ROBO1: variants seen among roughly 807,000 people sequenced by gnomAD.
ROBO1 encodes roundabout guidance receptor 1, also known as roundabout homolog 1.
In ROBO1, 149 loss-of-function variants were observed where a neutral mutation model predicts 195.9. That is an observed-to-expected ratio of 0.76 (90% CI 0.67 to 0.87). The LOEUF (loss-of-function observed/expected upper bound fraction) is 0.87. ROBO1 is among the 40% of genes least tolerant of loss of function. ROBO1 has a pLI of 0.00. For missense variants in ROBO1, 1,933 were observed against 2,068.3 expected (o/e 0.93, Z 1.27); for synonymous variants, 816 against 733.2 (o/e 1.11, Z -1.82).
At chr3:79,199,338 T>TAA (rs2081715015) in intron 2 of ROBO1, among the ~76,000 whole-genome samples, 1 of 151,838 alleles carries the variant, frequency 6.6e-6, no homozygotes, top group African/African-American at 2.4e-5. Flanking sequence ...AAGACATTTC[T>TAA]AAGAAGAGAA....
intron 2 of ROBO1, among the ~76,000 whole-genome samples, chr3:79,487,586 C>A (rs1261282898): frequency 1.3e-5 from 2 of 152,110 alleles, no homozygotes; most frequent in Admixed American, 6.6e-5. Context: ...AGTGGTATAG[C>A]TAAGGTTTGA....
At chr3:78,738,393 T>C (rs944539349) in intron 5 of ROBO1, among the ~76,000 whole-genome samples, 16 of 152,208 alleles carry the variant, frequency 1.1e-4, no homozygotes, top group African/African-American at 3.6e-4. Flanking sequence ...ATAGTTATTT[T>C]TGGTTTATTG....
intron 1 of ROBO1, among the ~76,000 whole-genome samples, chr3:79,624,272 T>C (rs997013072): frequency 8.6e-5 from 13 of 152,042 alleles, no homozygotes; most frequent in African/African-American, 2.9e-4. Flanking sequence ...AAAGACACTA[T>C]GAAGAAACGG....
intron 2 of ROBO1, among the ~76,000 whole-genome samples, chr3:79,315,288 A>G (rs1028067047): frequency 6.6e-6 from 1 of 152,172 alleles, no homozygotes; most frequent in African/African-American, 2.4e-5. Flanking sequence ...TAAGAAAAAT[A>G]AATGCATAAA....
intron 3 of ROBO1, among the ~76,000 whole-genome samples, chr3:79,110,598 T>C (rs2079867637): frequency 6.6e-6 from 1 of 151,456 alleles, no homozygotes; most frequent in South Asian, 2.1e-4. Context: ...TGCTTGATTA[T>C]TGATTTGAAG....
chr3:79,381,187 T>C (rs556810998), intron 2 of ROBO1, among the ~76,000 whole-genome samples: 66 of 151,308 alleles, frequency 4.4e-4, no homozygotes, highest in African/African-American at 1.5e-3. Flanking sequence ...CGAAACCCCG[T>C]CTCTACTAAA....
intron 3 of ROBO1, among the ~76,000 whole-genome samples, chr3:79,015,459 G>T (rs1447520733): frequency 7.3e-6 from 1 of 136,936 alleles, no homozygotes; most frequent in Non-Finnish European, 1.5e-5. Context: ...TCCTAAGTTT[G>T]AACTGAAATT....
chr3:79,449,255 A>C (rs1371926813), intron 2 of ROBO1, among the ~76,000 whole-genome samples: 1 of 152,032 alleles, frequency 6.6e-6, no homozygotes. Flanking sequence ...AAAAAATAAA[A>C]AGATTCAGTA....
At chr3:78,711,368 TTCCTTCCTTCCTTCCTTCCTTC>T (rs1161568850) in intron 8 of ROBO1, among the ~76,000 whole-genome samples, 910 of 59,294 alleles carry the variant, frequency 0.015, 112 homozygotes, top group African/African-American at 0.026. Flanking sequence ...CCTTCCTTCC[TTCCTTCCTTCCTTCCTTCCTTC>T]CTTCCTTCCT....
At chr3:79,176,026 C>T (rs1055315466) in intron 2 of ROBO1, among the ~76,000 whole-genome samples, 2 of 152,188 alleles carry the variant, frequency 1.3e-5, no homozygotes, top group Non-Finnish European at 2.9e-5. Context: ...GATCAACTGG[C>T]TACCCTGGGG....
At chr3:79,089,642 A>C (rs1403612063) in intron 3 of ROBO1, among the ~76,000 whole-genome samples, 1 of 152,116 alleles carries the variant, frequency 6.6e-6, no homozygotes, top group African/African-American at 2.4e-5. Flanking sequence ...TCCAATACAT[A>C]CTCTCACTAA....
chr3:78,747,494 T>C (rs559619936), intron 4 of ROBO1, among the ~76,000 whole-genome samples: 1 of 152,304 alleles, frequency 6.6e-6, no homozygotes, highest in South Asian at 2.1e-4. Flanking sequence ...CATTGTGTTT[T>C]TCCATGATTA....
At chr3:79,673,457 G>A (rs1946689295) in intron 1 of ROBO1, among the ~76,000 whole-genome samples, 1 of 151,914 alleles carries the variant, frequency 6.6e-6, no homozygotes, top group South Asian at 2.1e-4. Context: ...CTGGCTAGGT[G>A]GAACTTGAGC....
At chr3:79,394,404 A>C (rs1382215859) in intron 2 of ROBO1, among the ~76,000 whole-genome samples, 1 of 152,088 alleles carries the variant, frequency 6.6e-6, no homozygotes, top group African/African-American at 2.4e-5. Flanking sequence ...GAATAAAGTA[A>C]ATTGAATTTA....
At chr3:79,205,773 G>C (rs766238594) in intron 2 of ROBO1, among the ~76,000 whole-genome samples, 4 of 152,108 alleles carry the variant, frequency 2.6e-5, no homozygotes, top group Non-Finnish European at 4.4e-5. Context: ...ACATTAGTTA[G>C]TACCATCAGG....
At chr3:79,308,990 A>G (rs1193860675) in intron 2 of ROBO1, among the ~76,000 whole-genome samples, 6 of 151,968 alleles carry the variant, frequency 3.9e-5, no homozygotes, top group Non-Finnish European at 7.4e-5. Flanking sequence ...ATATTTCCTG[A>G]TGAATATACA....
chr3:79,044,377 C>A (rs988057761), intron 3 of ROBO1, among the ~76,000 whole-genome samples: 1 of 152,090 alleles, frequency 6.6e-6, no homozygotes, highest in Non-Finnish European at 1.5e-5. Context: ...CATCTTATAT[C>A]CATTCCTTGA....
chr3:78,647,445 T>A (rs1706372252), intron 20 of ROBO1, among the ~76,000 whole-genome samples, 184 bp downstream of exon 20: 1 of 151,972 alleles, frequency 6.6e-6, no homozygotes, highest in South Asian at 2.1e-4. Context: ...ATCGAATGGA[T>A]GAAAAGCAAC....
At chr3:78,692,314 G>A (rs963962061) in intron 8 of ROBO1, among the ~76,000 whole-genome samples, 1 of 151,938 alleles carries the variant, frequency 6.6e-6, no homozygotes, top group Admixed American at 6.6e-5. Flanking sequence ...CTGTTGCCCA[G>A]GCTGGAGTGC....
Sources: allele counts gnomAD v4.1 joint callset (sites outside exome capture counted in the v4.1 genomes callset), GRCh38; gene constraint gnomAD v4.1.1; transcripts MANE v1.5; gene names NCBI Gene and HGNC (gene_info 2026-07-23, HGNC 2026-07-21).